The following ARVCF variants were observed in gnomAD, a reference collection of about 807,000 sequenced individuals.
ARVCF encodes splicing regulator ARVCF.
In ARVCF, 66 loss-of-function variants were observed where a neutral mutation model predicts 90.9. The ratio of observed to expected loss-of-function variants is 0.73; its 90% confidence interval spans 0.60 to 0.89. The LOEUF is 0.89. ARVCF is among the 40% of genes least tolerant of loss of function. The pLI, the probability that ARVCF is intolerant of heterozygous loss-of-function variation, is 0.00. For synonymous variants in ARVCF, 653 were observed against 603.4 expected (o/e 1.08, Z -1.21); for missense variants, 1,469 against 1,382.3 (o/e 1.06, Z -1.00).
At chr22:19,972,337 C>T (rs781415499) in intron 17 of ARVCF, 21 bp downstream of exon 17, 3 of 1,613,726 alleles carry the variant, frequency 1.9e-6, no homozygotes, top group South Asian at 1.1e-5. Flanking sequence ...AGAAAACCAA[C>T]CACACTGCAT....
rs754803585 is a variant in ARVCF, at chr22:19,973,328, G to C, written c.2240-11C>G. Reference sequence around the variant, plus strand: ...CCATGGCGTAGCTCCCTGAGGGGCAGGACTAGGTGTCAGAACACACCTCTG... The same window carrying C: ...CCATGGCGTAGCTCCCTGAGGGGCACGACTAGGTGTCAGAACACACCTCTG... On this transcript the variant is annotated splice_polypyrimidine_tract_variant and intron_variant, in intron 13 of 19. Coordinates refer to ENST00000263207, the MANE Select transcript of ARVCF (RefSeq NM_001670.3). The C allele has an allele frequency of 3.8e-6, 6 of 1,586,298 alleles. No homozygotes were observed. Among genetic ancestry groups the C allele is most frequent in the Non-Finnish European group, 4.3e-6 (5 of 1,171,610 alleles).
Position 19,979,968 on chromosome 22 carries a change from C to T in ARVCF, c.1171G>A (p.Gly391Ser), listed in dbSNP as rs776350342. The T allele has an allele frequency of 5.0e-6, 8 of 1,595,914 alleles. No individual in the cohort carries two copies. The East Asian group carries it at 1.1e-4, about 23-fold the overall frequency. Residue 391 changes from glycine (G) to serine (S), a missense_variant, in exon 6 of 20, where the codon GGT becomes AGT. Coordinates refer to ENST00000263207, the MANE Select transcript of ARVCF (RefSeq NM_001670.3). ...AACTGCCGTACACGCCGCTTGACACCCTCGTTCTCAAAGCACAGATGCTGC... is the reference window on the plus strand; with the variant it reads ...AACTGCCGTACACGCCGCTTGACACTCTCGTTCTCAAAGCACAGATGCTGC... ...YLQHLCFENE[G>S]VKRRVRQLRG...
chr22:19,995,922 C>T (rs1162815186), intron 2 of ARVCF, among the ~76,000 whole-genome samples: 3 of 152,204 alleles, frequency 2.0e-5, no homozygotes, highest in African/African-American at 7.2e-5. Context: ...GCCCAGCACC[C>T]ACCTTCTGCC....
chr22:19,970,145 C>G lies in ARVCF; in HGVS notation c.*611G>C, dbSNP rs983278521. ...GGCTGGAGAAAGGCTCTCTACTGCA[C>G]AGGGGCCTCACGTGACTGCAGGGCT... On this transcript the variant is annotated 3_prime_UTR_variant, in exon 20 of 20. Transcript: ENST00000263207. The G allele has an allele frequency of 3.0e-6, 3 of 986,250 alleles. No individual in the cohort carries two copies. Among genetic ancestry groups the G allele is most frequent in the Non-Finnish European group, 2.4e-6 (2 of 830,654 alleles). 61.1% of individuals were successfully genotyped at this position (986,250 alleles called of 1,614,324 possible). A position where few individuals can be genotyped will look rare whatever the true frequency, so the allele number is the denominator to read the frequency against.
intron 7 of ARVCF, 70 bp from the exon 8 acceptor site, chr22:19,978,145 G>A: frequency 2.1e-6 from 3 of 1,429,410 alleles, no homozygotes; most frequent in Non-Finnish European, 2.8e-6. Flanking sequence ...CTGGCCTTGT[G>A]GGCTTGTCTT....
intron 7 of ARVCF, among the ~76,000 whole-genome samples, chr22:19,978,431 C>CT (rs1454494057): frequency 6.6e-6 from 1 of 152,174 alleles, no homozygotes; most frequent in African/African-American, 2.4e-5. Context: ...CAGCTCTGGG[C>CT]CCCACCTTAC....
chr22:20,005,867 T>A (rs990996855), intron 2 of ARVCF, among the ~76,000 whole-genome samples: 2 of 151,726 alleles, frequency 1.3e-5, no homozygotes, highest in Non-Finnish European at 2.9e-5. Flanking sequence ...ACAGCAGCAT[T>A]ATTCACAATA....
At chr22:19,998,433 A>T (rs572514938) in intron 2 of ARVCF, among the ~76,000 whole-genome samples, 33 of 152,238 alleles carry the variant, frequency 2.2e-4, no homozygotes, top group South Asian at 6.2e-4. Flanking sequence ...CCGCCGGCCC[A>T]GCCCCCCTCC....
chr22:19,972,392 G>C lies in ARVCF; in HGVS notation c.2661C>G (p.Ser887Arg), dbSNP rs201801179. ...DKSLEGEKTGSRDVIPMDALG... is the reference protein window; with the variant it reads ...DKSLEGEKTGRRDVIPMDALG... Reference sequence around the variant, plus strand: ...GCGCATCCATGGGGATCACATCCCGGCTGCCAGTTTTCTCGCCCTCTGCAA... The same window carrying C: ...GCGCATCCATGGGGATCACATCCCGCCTGCCAGTTTTCTCGCCCTCTGCAA... Residue 887 changes from serine (S) to arginine (R), a missense_variant, in exon 17 of 20, where the codon AGC becomes AGG. Ser to Arg is a moderately radical substitution (Grantham distance 110). Coordinates refer to ENST00000263207, the MANE Select transcript of ARVCF (RefSeq NM_001670.3). 1.5e-4 allele frequency: 243 copies of C among 1,613,526 alleles called. No homozygotes were observed. Among genetic ancestry groups the C allele is most frequent in the Non-Finnish European group, 1.8e-4 (216 of 1,180,004 alleles).
intron 2 of ARVCF, among the ~76,000 whole-genome samples, chr22:19,996,386 CA>C (rs375715512): frequency 8.6e-5 from 13 of 151,730 alleles, no homozygotes; most frequent in African/African-American, 2.9e-4. Flanking sequence ...GCAACACATG[CA>C]GTGAGCGTTT....
At chr22:20,005,372 T>TA (rs34774877) in intron 2 of ARVCF, among the ~76,000 whole-genome samples, 33,800 of 136,812 alleles carry the variant, frequency 0.25, 4,248 homozygotes, top group South Asian at 0.34. Flanking sequence ...ATGGCTAGTC[T>TA]AAAAAAAAAA....
chr22:19,968,040 G>A (rs535897884), downstream of ARVCF, among the ~76,000 whole-genome samples: 2 of 152,154 alleles, frequency 1.3e-5, no homozygotes, highest in African/African-American at 2.4e-5. Context: ...GGGATGTCCA[G>A]AACTGACCCC....
At chr22:19,969,767 C>T, downstream of ARVCF, 1 of 898,670 alleles carries the variant, frequency 1.1e-6, no homozygotes, top group South Asian at 5.1e-5. Flanking sequence ...GAAACAGAGC[C>T]TCTGCAGGAC....
chr22:20,002,756 T>G (rs1944489845), intron 2 of ARVCF, among the ~76,000 whole-genome samples: 1 of 152,202 alleles, frequency 6.6e-6, no homozygotes, highest in Non-Finnish European at 1.5e-5. Context: ...GCCCACAGCC[T>G]GCGCATGAAG....
Position 19,971,968 on chromosome 22 carries a change from C to T in ARVCF, c.2699G>A (p.Gly900Glu), listed in dbSNP as rs202000927. The part of the protein sequence containing the change: ...VIPMDALGPD[G>E]YSTVDRRERR... ...CTCCCTCCGGTCCACCGTGGAGTAT[C>T]CGTCTGTAGATGGGGTAAGGTGGGG... The change falls in exon 18 of 20, where the codon GGA becomes GAA. Residue 900 changes from glycine (G) to glutamate (E), a missense_variant. Gly to Glu is a moderately conservative substitution (Grantham distance 98). Transcript: ENST00000263207. 73 of 1,609,544 alleles carry T rather than the reference C, an allele frequency of 4.5e-5. No individual in the cohort carries two copies. The highest frequency in any genetic ancestry group is 6.2e-5 in the Non-Finnish European group (73 of 1,178,148).
intron 2 of ARVCF, among the ~76,000 whole-genome samples, chr22:19,998,224 C>T (rs1042859910): frequency 3.9e-5 from 6 of 152,224 alleles, no homozygotes; most frequent in South Asian, 2.1e-4. Context: ...CAGGGCCGTC[C>T]GCCTGCAACG....
Position 19,995,673 on chromosome 22 carries a change from G to T in ARVCF, c.-18-4861C>A, listed in dbSNP as rs149959706. Among the ~76,000 whole-genome samples, 836 of 152,310 alleles carry T rather than the reference G, an allele frequency of 5.5e-3. 12 individuals are homozygous for T. Among genetic ancestry groups the T allele is most frequent in the African/African-American group, 0.019 (786 of 41,550 alleles). On this transcript the variant is annotated intron_variant, in intron 2 of 19. Coordinates refer to ENST00000263207, the MANE Select transcript of ARVCF (RefSeq NM_001670.3). ...GGGGCCCGAGTCCAGTGTGGGTTGA[G>T]GAATTAGAGGAATTTCCGAAGGGTC... is the stretch of plus-strand genomic sequence containing the variant.
chr22:19,986,835 C>T (rs573173290), intron 3 of ARVCF, among the ~76,000 whole-genome samples: 4 of 152,108 alleles, frequency 2.6e-5, no homozygotes, highest in Non-Finnish European at 4.4e-5. Flanking sequence ...CCCCAGGCCC[C>T]GCGGATGGGC....
intron 2 of ARVCF, among the ~76,000 whole-genome samples, chr22:19,996,342 G>C (rs1944251055): frequency 6.6e-6 from 1 of 151,786 alleles, no homozygotes; most frequent in Non-Finnish European, 1.5e-5. Flanking sequence ...CACACAGTGT[G>C]GTCATGTTTT....
Sources: allele counts gnomAD v4.1 joint callset (sites outside exome capture counted in the v4.1 genomes callset), GRCh38; gene constraint gnomAD v4.1.1; transcripts MANE v1.5; gene names NCBI Gene and HGNC (gene_info 2026-07-23, HGNC 2026-07-21).